The following HLA-DRB1 variants were observed in gnomAD, a reference collection of about 807,000 sequenced individuals.
HLA-DRB1 encodes the protein major histocompatibility complex, class II, DR beta 1 precursor.
In HLA-DRB1, 10 loss-of-function variants were observed where a neutral mutation model predicts 27.9. The ratio of observed to expected loss-of-function variants is 0.36; its 90% CI spans 0.22 to 0.61. HLA-DRB1 has a LOEUF of 0.61. Ranked by LOEUF, HLA-DRB1 falls within the 20% of genes least tolerant of loss-of-function variation. The probability of loss-of-function intolerance (pLI) is 0.73; values close to 1 mark genes in which losing one functional copy is unlikely to be tolerated. For missense variants in HLA-DRB1, 118 were observed against 306.3 expected (o/e 0.39, Z 4.59); for synonymous variants, 57 against 126.7 (o/e 0.45, Z 3.69).
intron 2 of HLA-DRB1, among the ~76,000 whole-genome samples, chr6:32,582,303 A>G (rs9469171): frequency 1.8e-5 from 1 of 56,606 alleles, no homozygotes; most frequent in Non-Finnish European, 3.6e-5. Flanking sequence ...AAAATATATA[A>G]AACAATGACT....
chr6:32,588,497 A>C (rs571455650), intron 1 of HLA-DRB1, among the ~76,000 whole-genome samples: 1 of 69,344 alleles, frequency 1.4e-5, no homozygotes, highest in Non-Finnish European at 3.0e-5. Flanking sequence ...CATAGTGCTA[A>C]GGTTCTGTGC....
At chr6:32,589,430 A>ACCTG (rs1415773421) in intron 1 of HLA-DRB1, among the ~76,000 whole-genome samples, 56 of 74,218 alleles carry the variant, frequency 7.5e-4, no homozygotes, top group South Asian at 1.6e-3. Context: ...AAAAGAAATG[A>ACCTG]TTTGTGCAAA....
At chr6:32,582,152 C>A (rs113277075) in intron 2 of HLA-DRB1, among the ~76,000 whole-genome samples, 16,472 of 116,898 alleles carry the variant, frequency 0.14, 1,819 homozygotes, top group African/African-American at 0.17. Flanking sequence ...GCCAGGTTGC[C>A]TGGTTCGAAT....
chr6:32,583,095 C>T (rs1343773067), intron 2 of HLA-DRB1, among the ~76,000 whole-genome samples: 1 of 101,010 alleles, frequency 9.9e-6, no homozygotes, highest in Non-Finnish European at 2.0e-5. Flanking sequence ...GTACAAAGAA[C>T]GCAGAAAGTC....
chr6:32,585,206 A>G (rs9270015), intron 1 of HLA-DRB1, among the ~76,000 whole-genome samples: 50,741 of 77,266 alleles, frequency 0.66, 21,316 homozygotes, highest in Admixed American at 0.73. Flanking sequence ...CCTATACATC[A>G]GAACTAGCAG....
rs1181758512 is a variant in HLA-DRB1, at chr6:32,586,641, G to A, written c.101-2263C>T. Among the ~76,000 whole-genome samples, 3 of 53,686 alleles carry A rather than the reference G, an allele frequency of 5.6e-5. 1 individual carries two copies. Among genetic ancestry groups the A allele is most frequent in the African/African-American group, 2.3e-4 (3 of 12,840 alleles). The allele number at this position is 53,686 out of a possible 152,430, so 35.2% of individuals were successfully genotyped here. A position where few individuals can be genotyped will look rare whatever the true frequency, so the allele number is the denominator to read the frequency against. ...AATTTAACACACTACACGTATTGCT[G>A]CTGCCAACATAAATACCTGAAGCCC... is the stretch of plus-strand genomic sequence containing the variant. On this transcript the variant is annotated intron_variant, in intron 1 of 5. Transcript: ENST00000360004.
At chr6:32,588,504 G>T (rs35481449) in intron 1 of HLA-DRB1, among the ~76,000 whole-genome samples, 203 of 69,086 alleles carry the variant, frequency 2.9e-3, no homozygotes, top group Middle Eastern at 9.1e-3. Context: ...CTAAGGTTCT[G>T]TGCAAGCTTT....
intron 2 of HLA-DRB1, among the ~76,000 whole-genome samples, chr6:32,583,047 G>A (rs28724032): frequency 0.072 from 8,362 of 116,518 alleles, 1 homozygote; most frequent in Admixed American, 0.12. Context: ...TGGAGCAAAT[G>A]CTGGATCAAA....
intron 2 of HLA-DRB1, among the ~76,000 whole-genome samples, chr6:32,582,314 G>T (rs35300256): frequency 0.21 from 22,984 of 111,294 alleles, 1 homozygote; most frequent in East Asian, 0.27. Context: ...AACAATGACT[G>T]AAGATAGCCT....
exon 4 of HLA-DRB1, chr6:32,580,825 C>T: frequency 6.2e-7 from 1 of 1,613,308 alleles, no homozygotes; most frequent in South Asian, 1.1e-5. Context: ...CTCCACTCAG[C>T]ATCTTGCTCT....
chr6:32,584,820 C>T (rs1776164979), intron 1 of HLA-DRB1, among the ~76,000 whole-genome samples: 1 of 113,798 alleles, frequency 8.8e-6, no homozygotes, highest in Admixed American at 8.9e-5. Context: ...CAGGCCTGCG[C>T]TGCCTCTAGG....
chr6:32,584,909 A>G (rs115772678), intron 1 of HLA-DRB1, among the ~76,000 whole-genome samples: 8,501 of 97,358 alleles, frequency 0.087, 797 homozygotes, highest in Non-Finnish European at 0.094. Context: ...CCAAAAACCA[A>G]ACACACAAGA....
Position 32,580,813 on chromosome 6 carries a change from G to T in HLA-DRB1, c.696C>A (p.Val232=), listed in dbSNP as rs368802150. 8 of 1,612,656 alleles carry T rather than the reference G, an allele frequency of 5.0e-6. No homozygotes were observed. In the South Asian group the frequency reaches 8.8e-5, roughly 18 times the overall value. Reference sequence around the variant, plus strand: ...AGAGCAGGCCCAGCACAAAGCCCCCGACTCCACTCAGCATCTTGCTCTGTG... The same window carrying T: ...AGAGCAGGCCCAGCACAAAGCCCCCTACTCCACTCAGCATCTTGCTCTGTG... The change falls in exon 4 of 6, where the codon GTC becomes GTA. Residue 232 remains valine (V), a synonymous_variant. Transcript: ENST00000360004.
intron 1 of HLA-DRB1, among the ~76,000 whole-genome samples, 178 bp downstream of exon 1, chr6:32,589,465 G>C (rs17210945): frequency 3.0e-3 from 247 of 83,018 alleles, no homozygotes; most frequent in East Asian, 5.0e-3. Flanking sequence ...GTCTCATGAA[G>C]AGGGCAAGTA....
chr6:32,582,571 G>T (rs35522883), intron 2 of HLA-DRB1, among the ~76,000 whole-genome samples: 14,494 of 99,598 alleles, frequency 0.15, 2,021 homozygotes, highest in Admixed American at 0.16. Context: ...CCCCTGGGAA[G>T]GTGGGACAGA....
In HLA-DRB1 at chr6:32,584,310, C is replaced by T. The variant is rs17878947; in HGVS notation, c.169G>A (p.Asp57Asn). ...TCCTCCTGGTTATAGAAGTATCTGT[C>T]CAGGAACCGCACCCGCTCCGTCCCA... is the stretch of plus-strand genomic sequence containing the variant. Residue 57 changes from aspartate to asparagine, a missense_variant, in exon 2 of 6, where the codon GAC becomes AAC. Physicochemically the swap from Asp to Asn is conservative, Grantham distance 23. This residue lies in a region of HLA-DRB1 where 42 missense variants were observed against 104.2 expected (regional missense o/e 0.40). Transcript: ENST00000360004. The T allele has an allele frequency of 8.6e-3, 11,055 of 1,283,388 alleles. 24 individuals carry two copies. Among genetic ancestry groups the T allele is most frequent in the East Asian group, 0.025 (963 of 39,288 alleles). 79.5% of individuals were successfully genotyped at this position (1,283,388 alleles called of 1,614,324 possible). A position where few individuals can be genotyped will look rare whatever the true frequency, so the allele number is the denominator to read the frequency against.
intron 1 of HLA-DRB1, among the ~76,000 whole-genome samples, chr6:32,586,636 T>C (rs1025736565): frequency 0.22 from 12,410 of 57,670 alleles, 3,015 homozygotes; most frequent in Admixed American, 0.33. Context: ...ACTACACGTA[T>C]TGCTGCTGCC....
At chr6:32,586,672 T>TCACCC (rs1459028774) in intron 1 of HLA-DRB1, among the ~76,000 whole-genome samples, 1 of 80,090 alleles carries the variant, frequency 1.2e-5, no homozygotes, top group Non-Finnish European at 2.4e-5. Context: ...AGCCCTGGCC[T>TCACCC]CACCATGAGT....
chr6:32,586,853 T>C (rs115208896), intron 1 of HLA-DRB1, among the ~76,000 whole-genome samples: 17,627 of 67,722 alleles, frequency 0.26, 1,351 homozygotes, highest in Middle Eastern at 0.4. Flanking sequence ...AGAAAATCCT[T>C]AGGAATAAGC....
Sources: gnomAD v4.1 joint callset for allele counts (sites outside exome capture counted in the v4.1 genomes callset) on GRCh38, gnomAD v4.1.1 for gene constraint, gnomAD v4.1.1 regional missense constraint, MANE v1.5 for transcripts, NCBI Gene and HGNC (gene_info 2026-07-23, HGNC 2026-07-21) for gene names.